THSD4: variants seen among roughly 807,000 people sequenced by gnomAD.
The protein encoded by THSD4 is thrombospondin type 1 domain containing 4, also known as thrombospondin type-1 domain-containing protein 4.
A neutral mutation model predicts 119.0 loss-of-function variants in THSD4; 69 were observed. The ratio of observed to expected loss-of-function variants is 0.58; its 90% confidence interval spans 0.48 to 0.71. The LOEUF is 0.71. Among genes scored for constraint, THSD4 ranks in the 30% least tolerant of loss-of-function variants. THSD4 has a pLI of 0.00. For synonymous variants in THSD4, 524 were observed against 540.4 expected, an observed-to-expected ratio of 0.97 and a Z score of 0.42; for missense variants, 1,393 against 1,391.1, an observed-to-expected ratio of 1.00 and a Z score of -0.02.
intron 7 of THSD4, among the ~76,000 whole-genome samples, chr15:71,571,326 C>T (rs548988887): frequency 2.0e-5 from 3 of 152,066 alleles, no homozygotes; most frequent in South Asian, 2.1e-4. Flanking sequence ...GGTAGAATGC[C>T]GCATGCTCGT....
At chr15:71,111,482 C>T, upstream of THSD4, 2 of 1,308,936 alleles carry the variant, frequency 1.5e-6, no homozygotes. Flanking sequence ...AGGGAATCTA[C>T]CCTGAGATTT....
intron 8 of THSD4, among the ~76,000 whole-genome samples, chr15:71,694,097 C>T (rs6494956): frequency 0.34 from 51,475 of 151,942 alleles, 9,278 homozygotes; most frequent in East Asian, 0.52. Flanking sequence ...AAGATCTCCT[C>T]TCAGATGAAG....
At chr15:71,552,299 A>G (rs984810267) in intron 7 of THSD4, among the ~76,000 whole-genome samples, 5 of 152,220 alleles carry the variant, frequency 3.3e-5, no homozygotes, top group African/African-American at 7.2e-5. Context: ...CATTTAGGTC[A>G]TCATTGCAGG....
chr15:71,700,050 G>A (rs1595874373), intron 8 of THSD4, among the ~76,000 whole-genome samples: 1 of 151,904 alleles, frequency 6.6e-6, no homozygotes, highest in Non-Finnish European at 1.5e-5. Context: ...CTATTTCGAG[G>A]AAAAGATAAG....
At chr15:71,655,984 C>T (rs1330965990) in intron 7 of THSD4, among the ~76,000 whole-genome samples, 1 of 152,200 alleles carries the variant, frequency 6.6e-6, no homozygotes, top group Non-Finnish European at 1.5e-5. Flanking sequence ...GCCAGGACTG[C>T]ACCCCAGGTT....
chr15:71,614,566 G>T (rs2050289813), intron 7 of THSD4, among the ~76,000 whole-genome samples: 2 of 152,168 alleles, frequency 1.3e-5, no homozygotes, highest in Admixed American at 6.5e-5. Flanking sequence ...CTTGTGGTGT[G>T]TCACCTCACT....
chr15:71,472,267 C>T (rs986458607), intron 7 of THSD4, among the ~76,000 whole-genome samples: 2 of 152,158 alleles, frequency 1.3e-5, no homozygotes, highest in Non-Finnish European at 1.5e-5. Context: ...ACAGTATCTA[C>T]ATGATGGGGT....
At chr15:71,639,802 A>G (rs1031499282) in intron 7 of THSD4, among the ~76,000 whole-genome samples, 1 of 151,550 alleles carries the variant, frequency 6.6e-6, no homozygotes. Context: ...TTCTTACAGG[A>G]TGGCCTAAGA....
chr15:71,224,223 G>A (rs1000955424), intron 4 of THSD4, among the ~76,000 whole-genome samples: 2 of 152,184 alleles, frequency 1.3e-5, no homozygotes, highest in African/African-American at 4.8e-5. Flanking sequence ...TGAGGCTGGA[G>A]CACAGGCTGC....
At chr15:71,496,106 A>T (rs541705962) in intron 7 of THSD4, among the ~76,000 whole-genome samples, 1 of 152,282 alleles carries the variant, frequency 6.6e-6, no homozygotes, top group Admixed American at 6.5e-5. Flanking sequence ...TAAGTTACAG[A>T]TCAGTTTGGA....
At chr15:71,622,132 G>A (rs564321956) in intron 7 of THSD4, among the ~76,000 whole-genome samples, 6 of 152,224 alleles carry the variant, frequency 3.9e-5, no homozygotes, top group African/African-American at 1.4e-4. Flanking sequence ...TGAAGGCTGG[G>A]TTTGATTTCT....
At chr15:71,707,280 T>C (rs753250188) in intron 8 of THSD4, among the ~76,000 whole-genome samples, 1 of 152,174 alleles carries the variant, frequency 6.6e-6, no homozygotes, top group Non-Finnish European at 1.5e-5. Flanking sequence ...TGGTCAGTAG[T>C]ACCCAGCCCA....
At chr15:71,609,033 C>T (rs902919689) in intron 7 of THSD4, among the ~76,000 whole-genome samples, 1 of 152,118 alleles carries the variant, frequency 6.6e-6, no homozygotes, top group Non-Finnish European at 1.5e-5. Context: ...AGTCCAGGAT[C>T]CCCTTGGCTT....
At chr15:71,710,831 C>T (rs1171953514) in intron 8 of THSD4, among the ~76,000 whole-genome samples, 1 of 152,020 alleles carries the variant, frequency 6.6e-6, no homozygotes, top group Non-Finnish European at 1.5e-5. Context: ...CTGTAACTTA[C>T]AAATGAGGAA....
intron 6 of THSD4, among the ~76,000 whole-genome samples, chr15:71,370,349 C>T (rs867334888): frequency 1.3e-5 from 2 of 152,180 alleles, no homozygotes; most frequent in South Asian, 2.1e-4. Flanking sequence ...GCTCTTGCTT[C>T]TCTAGTTCTT....
At chr15:71,337,813 G>C (rs143863414) in intron 6 of THSD4, among the ~76,000 whole-genome samples, 116 of 152,240 alleles carry the variant, frequency 7.6e-4, no homozygotes, top group African/African-American at 2.7e-3. Flanking sequence ...GGTTAGGAAA[G>C]TGATTTCTGC....
chr15:71,408,388 A>G (rs1393807797), intron 6 of THSD4, among the ~76,000 whole-genome samples: 1 of 151,842 alleles, frequency 6.6e-6, no homozygotes, highest in Non-Finnish European at 1.5e-5. Context: ...GTGCACCCTC[A>G]CGCCCACCTA....
intron 6 of THSD4, among the ~76,000 whole-genome samples, chr15:71,294,820 T>C (rs774042089): frequency 6.6e-6 from 1 of 151,410 alleles, no homozygotes; most frequent in Non-Finnish European, 1.5e-5. Flanking sequence ...CTTGGTCTTA[T>C]AATAACACCA....
chr15:71,553,819 A>T (rs1050934436), intron 7 of THSD4, among the ~76,000 whole-genome samples: 4 of 152,196 alleles, frequency 2.6e-5, no homozygotes, highest in Non-Finnish European at 5.9e-5. Context: ...TACATAGTGA[A>T]TATATTATGG....
Sources: gnomAD v4.1 joint callset for allele counts (sites outside exome capture counted in the v4.1 genomes callset) on GRCh38, gnomAD v4.1.1 for gene constraint, MANE v1.5 for transcripts, NCBI Gene and HGNC (gene_info 2026-07-23, HGNC 2026-07-21) for gene names.